SLC3A2: variants seen among roughly 807,000 people sequenced by gnomAD.
The protein encoded by SLC3A2 is solute carrier family 3 member 2.
A neutral mutation model predicts 48.5 loss-of-function variants in SLC3A2; 32 were observed. The observed-to-expected ratio is 0.66, with a 90% confidence interval of 0.50 to 0.89. The LOEUF (loss-of-function observed/expected upper bound fraction) is 0.89, where lower values mean the gene tolerates loss of function less well. Ranked by LOEUF, SLC3A2 falls within the 40% of genes least tolerant of loss-of-function variation. The pLI is 0.00. For missense variants in SLC3A2, 587 were observed against 680.7 expected (o/e 0.86, Z 1.53); for synonymous variants, 277 against 288.8 (o/e 0.96, Z 0.41).
In SLC3A2 at chr11:62,888,127, C is replaced by T. The variant is rs957888500; in HGVS notation, c.1144-8C>T. 6.2e-7 allele frequency: 1 copy of T among 1,612,394 alleles called. No individual in the cohort carries two copies. The highest frequency in any genetic ancestry group is 2.2e-5 in the East Asian group (1 of 44,856). On this transcript the variant is annotated splice_region_variant and splice_polypyrimidine_tract_variant and intron_variant, in intron 7 of 8. Coordinates refer to ENST00000338663, the MANE Select transcript of SLC3A2 (RefSeq NM_001013251.3). Reference sequence around the variant, plus strand: ...CCTTTTTAAAGTCCTATTTTCTCTGCTTTTCAGCCTATGGAGGCTCCAGTC... The same window carrying T: ...CCTTTTTAAAGTCCTATTTTCTCTGTTTTTCAGCCTATGGAGGCTCCAGTC...
upstream of SLC3A2, among the ~76,000 whole-genome samples, chr11:62,879,051 G>T (rs931848182): frequency 6.6e-6 from 1 of 151,784 alleles, no homozygotes; most frequent in Non-Finnish European, 1.5e-5. Flanking sequence ...GGGATTACAG[G>T]TGTCAGCCAC....
In SLC3A2 at chr11:62,884,442, T is replaced by G; in HGVS notation, c.691-15T>G. The G allele has an allele frequency of 6.2e-7, 1 of 1,614,148 alleles. No homozygotes were observed. The highest frequency in any genetic ancestry group is 8.5e-7 in the Non-Finnish European group (1 of 1,179,996). On this transcript the variant is annotated splice_polypyrimidine_tract_variant and intron_variant, in intron 3 of 8. Coordinates refer to ENST00000338663, the MANE Select transcript of SLC3A2 (RefSeq NM_001013251.3). ...GAGAACTGATGTCTGTCCTTTATTC[T>G]TCTGCCCCCTATAGGATGCTCTGGA...
In SLC3A2 at chr11:62,872,080, AT is replaced by A. The variant is rs371046000; in HGVS notation, c.113-8931del. Among the ~76,000 whole-genome samples the A allele has an allele frequency of 2.7e-3, 414 of 151,722 alleles. 24 individuals are homozygous for A. The East Asian group carries it at 0.073, about 27-fold the overall frequency. ...GGCACACACCGCCACGCCTGGCTAAATTTTTTTTGTATTTTTAGTAGAGACG... is the reference window on the plus strand; with the variant it reads ...GGCACACACCGCCACGCCTGGCTAAATTTTTTTGTATTTTTAGTAGAGACG... On this transcript the variant is annotated intron_variant, in intron 1 of 9. Coordinates refer to the SLC3A2 transcript ENST00000377889.
In SLC3A2 at chr11:62,888,680, C is replaced by T; in HGVS notation, c.1577C>T (p.Pro526Leu). The T allele has an allele frequency of 6.3e-7, 1 of 1,592,184 alleles. No homozygotes were observed. The highest frequency in any genetic ancestry group is 8.5e-7 in the Non-Finnish European group (1 of 1,173,500). ...EPHEGLLLRF[P>L]YAA ...CACGAAGGGCTGCTGCTCCGCTTCCCCTACGCGGCCTGACTTCAGCCTGAC... is the reference window on the plus strand; with the variant it reads ...CACGAAGGGCTGCTGCTCCGCTTCCTCTACGCGGCCTGACTTCAGCCTGAC... The change falls in exon 9 of 9, where the codon CCC (proline) becomes CTC (leucine). Residue 526 changes from proline (P) to leucine (L), a missense_variant. Around this residue, in one of 3 missense-constraint regions of SLC3A2, gnomAD observed 169 missense variants for 204.4 expected, o/e 0.83. Coordinates refer to ENST00000338663, the MANE Select transcript of SLC3A2 (RefSeq NM_001013251.3).
chr11:62,877,459 G>A (rs1321683886), upstream of SLC3A2, among the ~76,000 whole-genome samples: 4 of 152,186 alleles, frequency 2.6e-5, no homozygotes. Context: ...TGCTGCCTCC[G>A]AATAGGCAGG....
chr11:62,886,874 C>T (rs766226645), intron 7 of SLC3A2, among the ~76,000 whole-genome samples: 4 of 152,090 alleles, frequency 2.6e-5, no homozygotes, highest in Non-Finnish European at 5.9e-5. Flanking sequence ...GCTGGGACTA[C>T]AGGTGTGAGC....
chr11:62,860,283 C>T (rs1264965561), intron 1 of SLC3A2, among the ~76,000 whole-genome samples: 1 of 151,796 alleles, frequency 6.6e-6, no homozygotes, highest in Non-Finnish European at 1.5e-5. Flanking sequence ...GGGTGGATCA[C>T]GAGGTCAGGA....
At chr11:62,879,278 T>A (rs2085603965), upstream of SLC3A2, among the ~76,000 whole-genome samples, 1 of 152,210 alleles carries the variant, frequency 6.6e-6, no homozygotes, top group Non-Finnish European at 1.5e-5. Context: ...AAATTTATTT[T>A]TTTATTTATT....
intron 7 of SLC3A2, 84 bp from the exon 8 acceptor site, chr11:62,888,051 C>A: frequency 8.0e-7 from 1 of 1,244,588 alleles, no homozygotes; most frequent in Non-Finnish European, 1.2e-6. Flanking sequence ...TTGGCCTTGA[C>A]CTCCCAGACT....
chr11:62,885,603 G>A lies in SLC3A2; in HGVS notation c.1138G>A (p.Gly380Arg). 6.2e-7 allele frequency: 1 copy of A among 1,614,084 alleles called. No homozygotes were observed. Among genetic ancestry groups the A allele is most frequent in the Non-Finnish European group, 8.5e-7 (1 of 1,179,970 alleles). ...EIGLDAAALP[G>R]QPMEAPVMLW... is the part of the protein sequence containing the mutation. ...TGGCCTGGATGCAGCTGCCCTTCCT[G>A]GACAGGTACTGCTTGCTGTCTTTCT... Residue 380 changes from glycine to arginine, a missense_variant, in exon 7 of 9, where the codon GGA becomes AGA. By Grantham distance (125) the Gly-to-Arg change is moderately radical. Around this residue, in one of 3 missense-constraint regions of SLC3A2, gnomAD observed 169 missense variants for 204.4 expected, o/e 0.83. Transcript: ENST00000338663.
chr11:62,858,757 G>A (rs2085365750), intron 1 of SLC3A2, among the ~76,000 whole-genome samples: 1 of 152,210 alleles, frequency 6.6e-6, no homozygotes, highest in South Asian at 2.1e-4. Context: ...GTGGGGAGAG[G>A]GTCAGCAGAC....
Position 62,884,642 on chromosome 11 carries a change from C to T in SLC3A2, c.770C>T (p.Ser257Leu), listed in dbSNP as rs979740918. 1 of 1,610,252 alleles carries T rather than the reference C, an allele frequency of 6.2e-7. No individual in the cohort carries two copies. The highest frequency in any genetic ancestry group is 1.1e-5 in the South Asian group (1 of 90,912). ...CTTTTTTCTTTCTAGGATGCATCCTCATTCTTGGCTGAGTGGCAAAATATC... is the reference window on the plus strand; with the variant it reads ...CTTTTTTCTTTCTAGGATGCATCCTTATTCTTGGCTGAGTGGCAAAATATC... ...RDIENLKDAS[S>L]FLAEWQNITK... Residue 257 changes from serine (S) to leucine (L), a missense_variant, in exon 5 of 9, where the codon TCA (serine) becomes TTA (leucine). Ser to Leu is a moderately radical substitution (Grantham distance 145, BLOSUM62 -2). Transcript: ENST00000338663.
intron 8 of SLC3A2, 32 bp from the exon 9 acceptor site, chr11:62,888,297 TCA>T (rs1480634430): frequency 1.9e-6 from 3 of 1,609,954 alleles, no homozygotes; most frequent in African/African-American, 2.7e-5. Context: ...GGGGAGCCCC[TCA>T]CACGCTTCTG....
chr11:62,871,711 G>A lies in SLC3A2; in HGVS notation c.113-9308G>A, dbSNP rs527493235. 38 of 553,194 alleles carry A rather than the reference G, an allele frequency of 6.9e-5. No individual in the cohort carries two copies. In the Middle Eastern group the frequency reaches 2.7e-3, roughly 39 times the overall value. The allele number at this position is 553,194 out of a possible 1,614,324, so 34.3% of individuals were successfully genotyped here. On this transcript the variant is annotated intron_variant, in intron 1 of 9. Transcript: ENST00000377889. ...CAAATAACATGCTTGCTATCTGGTAGAATTTGTCTTTAAAAATACGATTTT... is the reference window on the plus strand; with the variant it reads ...CAAATAACATGCTTGCTATCTGGTAAAATTTGTCTTTAAAAATACGATTTT...
At position 62,880,909 on chromosome 11, in the gene SLC3A2, G is replaced by A. The variant is rs574192605; in HGVS notation, c.-115G>A. The A allele has an allele frequency of 6.9e-7, 1 of 1,452,822 alleles. No homozygotes were observed. The highest frequency in any genetic ancestry group is 2.9e-5 in the Admixed American group (1 of 34,808). The allele number at this position is 1,452,822 out of a possible 1,614,324, so 90.0% of individuals were successfully genotyped here. A position where few individuals can be genotyped will look rare whatever the true frequency, so the allele number is the denominator to read the frequency against. ...CTGCTGCTGAGCAGATGCAGTAGCCGAAACTGCGCGGAGGCACAGAGGCCG... is the reference window on the plus strand; with the variant it reads ...CTGCTGCTGAGCAGATGCAGTAGCCAAAACTGCGCGGAGGCACAGAGGCCG... On this transcript the variant is annotated 5_prime_UTR_variant, in exon 1 of 9. Transcript: ENST00000338663.
At chr11:62,875,917 A>G (rs1345101183), upstream of SLC3A2, among the ~76,000 whole-genome samples, 2 of 152,274 alleles carry the variant, frequency 1.3e-5, no homozygotes, top group Admixed American at 6.5e-5. Flanking sequence ...CTGGAATGCA[A>G]TGGTGTGATT....
upstream of SLC3A2, among the ~76,000 whole-genome samples, chr11:62,876,130 G>C (rs938486099): frequency 2.6e-5 from 4 of 152,222 alleles, no homozygotes; most frequent in African/African-American, 9.6e-5. Context: ...TTCCCAGAGC[G>C]CTGGGATTAA....
chr11:62,881,076 A>G lies in SLC3A2; in HGVS notation c.53A>G (p.Glu18Gly). ...AAGGAGGTGGAGCTGAATGAGTTAG[A>G]GCCCGAGAAGCAGCCGATGAACGCG... The part of the protein sequence containing the change: ...DMKEVELNEL[E>G]PEKQPMNAAS... Residue 18 changes from glutamate (E) to glycine (G), a missense_variant, in exon 1 of 9, where the codon GAG becomes GGG. By Grantham distance (98) the Glu-to-Gly change is moderately conservative. Around this residue, in one of 3 missense-constraint regions of SLC3A2, gnomAD observed 409 missense variants for 446.7 expected, o/e 0.92. Coordinates refer to ENST00000338663, the MANE Select transcript of SLC3A2 (RefSeq NM_001013251.3). The surrounding 1 kb of genome is among the most constrained non-coding windows in gnomAD (Gnocchi z 4.0). 2 of 1,607,890 alleles carry G rather than the reference A, an allele frequency of 1.2e-6. No individual in the cohort carries two copies. The highest frequency in any genetic ancestry group is 1.7e-6 in the Non-Finnish European group (2 of 1,176,972).
chr11:62,864,446 G>A (rs768065775), intron 1 of SLC3A2, among the ~76,000 whole-genome samples: 1 of 151,958 alleles, frequency 6.6e-6, no homozygotes, highest in Non-Finnish European at 1.5e-5. Context: ...GCACCAGCAC[G>A]CCTGGCTAAT....
Sources: allele counts gnomAD v4.1 joint callset (sites outside exome capture counted in the v4.1 genomes callset), GRCh38; gene constraint gnomAD v4.1.1; regional missense constraint gnomAD v4.1.1; non-coding constraint Gnocchi (gnomAD v3.1); transcripts MANE v1.5; gene names NCBI Gene and HGNC (gene_info 2026-07-23, HGNC 2026-07-21).